ATP8B4: variants seen among roughly 807,000 people sequenced by gnomAD.
The protein encoded by ATP8B4 is probable phospholipid-transporting ATPase IM.
In ATP8B4, 133 loss-of-function variants were observed where a neutral mutation model predicts 145.6. The ratio of observed to expected loss-of-function variants is 0.91; its 90% CI spans 0.79 to 1.05. The LOEUF is 1.05. ATP8B4 is among the 50% of genes least tolerant of loss of function. The pLI, the probability that ATP8B4 is intolerant of heterozygous loss-of-function variation, is 0.00. For missense variants in ATP8B4, 1,458 were observed against 1,425.2 expected (o/e 1.02, Z -0.37); for synonymous variants, 507 against 492.9 (o/e 1.03, Z -0.38).
chr15:50,014,178 T>A (rs1165300683), intron 6 of ATP8B4, among the ~76,000 whole-genome samples: 1 of 152,072 alleles, frequency 6.6e-6, no homozygotes, highest in Non-Finnish European at 1.5e-5. Flanking sequence ...AGTGTTGGGG[T>A]ACTAGAGAGA....
In ATP8B4 at chr15:49,901,169, G is replaced by T; in HGVS notation, c.2212C>A (p.Gln738Lys). 1 of 1,613,508 alleles carries T rather than the reference G, an allele frequency of 6.2e-7. No homozygotes were observed. Among genetic ancestry groups the T allele is most frequent in the Non-Finnish European group, 8.5e-7 (1 of 1,179,580 alleles). Residue 738 changes from glutamine (Q) to lysine (K), a missense_variant, in exon 21 of 28, where the codon CAG (glutamine) becomes AAG (lysine). Gln to Lys is a moderately conservative substitution (Grantham distance 53). Coordinates refer to ENST00000284509, the MANE Select transcript of ATP8B4 (RefSeq NM_024837.4). Reference sequence around the variant, plus strand: ...ACAATAGAATCCAACTCCAGCTGCTGCTTTTTTTCACAAACTACATGGCCA... The same window carrying T: ...ACAATAGAATCCAACTCCAGCTGCTTCTTTTTTTCACAAACTACATGGCCA... ...SNGHVVCEKK[Q>K]QLELDSIVEE...
intron 20 of ATP8B4, among the ~76,000 whole-genome samples, chr15:49,906,657 T>C (rs2038657481): frequency 6.6e-6 from 1 of 152,204 alleles, no homozygotes; most frequent in South Asian, 2.1e-4. Flanking sequence ...AGTCTGAATT[T>C]CAGCAATCTG....
At chr15:49,910,616 C>A (rs1462124503) in intron 20 of ATP8B4, among the ~76,000 whole-genome samples, 1 of 152,044 alleles carries the variant, frequency 6.6e-6, no homozygotes, top group East Asian at 1.9e-4. Context: ...ATCTAGTCAC[C>A]TATAAAGGAG....
In ATP8B4 at chr15:49,869,616, G is replaced by A. The variant is rs16963001; in HGVS notation, c.3028-3132C>T. Among the ~76,000 whole-genome samples the A allele has an allele frequency of 1.6e-3, 250 of 152,196 alleles. 4 individuals are homozygous for A. The highest frequency in any genetic ancestry group is 5.7e-3 in the African/African-American group (237 of 41,516). On this transcript the variant is annotated intron_variant, in intron 25 of 27. Coordinates refer to ENST00000284509, the MANE Select transcript of ATP8B4 (RefSeq NM_024837.4). ...AGGTAAAAATCTCTTTGAAACACAC[G>A]GAAAACTTAATAGGAATCATAATCA...
chr15:50,047,254 AAT>A, intron 4 of ATP8B4, 95 bp downstream of exon 4: 1 of 728,010 alleles, frequency 1.4e-6, no homozygotes, highest in Non-Finnish European at 2.3e-6. Flanking sequence ...GATTGTACCT[AAT>A]CACGAACATT....
chr15:50,169,248 A>T (rs1476122441), intron 1 of ATP8B4, among the ~76,000 whole-genome samples: 1 of 152,132 alleles, frequency 6.6e-6, no homozygotes, highest in Non-Finnish European at 1.5e-5. Context: ...GTACTAAACC[A>T]CCAAAGCTAA....
Position 49,919,031 on chromosome 15 carries a change from C to G in ATP8B4, c.1924-81G>C, listed in dbSNP as rs549488585. ...CATCTATGGATTTCACTCACAGATT[C>G]TGGAGGCCAAAGAATATTAATTGAA... is the stretch of plus-strand genomic sequence containing the variant. On this transcript the variant is annotated intron_variant, in intron 18 of 27. Transcript: ENST00000284509. 8.0e-6 allele frequency: 8 copies of G among 993,916 alleles called. No homozygotes were observed. In the South Asian group the frequency reaches 1.3e-4, roughly 16 times the overall value. 61.6% of individuals were successfully genotyped at this position (993,916 alleles called of 1,614,324 possible).
intron 14 of ATP8B4, among the ~76,000 whole-genome samples, chr15:49,943,033 A>T (rs920343710): frequency 2.6e-5 from 4 of 152,102 alleles, no homozygotes; most frequent in South Asian, 2.1e-4. Flanking sequence ...CTTTAAAAAA[A>T]TTTTTAAAAA....
At chr15:49,887,018 C>T (rs1382845117) in intron 23 of ATP8B4, among the ~76,000 whole-genome samples, 2 of 152,012 alleles carry the variant, frequency 1.3e-5, no homozygotes, top group African/African-American at 4.8e-5. Flanking sequence ...CCACGTTGGC[C>T]AGGCTGGTCT....
At chr15:49,992,493 C>T (rs1234878673) in intron 9 of ATP8B4, among the ~76,000 whole-genome samples, 6 of 152,108 alleles carry the variant, frequency 3.9e-5, no homozygotes, top group African/African-American at 1.4e-4. Context: ...AAGACACTAT[C>T]TTTGAATATA....
rs867534726 is a variant in ATP8B4 at position 49,905,001 on chromosome 15, C to T, written c.2142-3762G>A. ...CAAAATTAAATTCTCAGTCTGTTTT[C>T]CTTTCAGCAGAAGACATATGAATTG... On this transcript the variant is annotated intron_variant, in intron 20 of 27. Transcript: ENST00000284509. Among the ~76,000 whole-genome samples the T allele has an allele frequency of 9.2e-5, 14 of 152,276 alleles. No homozygotes were observed. In the South Asian group the frequency reaches 2.5e-3, roughly 27 times the overall value.
At chr15:50,122,036 T>C (rs2057275399), upstream of ATP8B4, among the ~76,000 whole-genome samples, 1 of 152,206 alleles carries the variant, frequency 6.6e-6, no homozygotes, top group African/African-American at 2.4e-5. Flanking sequence ...CTTAAGAATC[T>C]GAAACCACAC....
intron 1 of ATP8B4, among the ~76,000 whole-genome samples, chr15:50,118,791 CCAAAGGAAGTGACAAAGACCTA>C (rs552393237): frequency 1.2e-3 from 176 of 152,160 alleles, no homozygotes; most frequent in African/African-American, 4.1e-3. Context: ...CCAACTACTA[CCAAAGGAAGTGACAAAGACCTA>C]CAAACCAAGA....
intron 2 of ATP8B4, among the ~76,000 whole-genome samples, chr15:50,092,446 A>T (rs2055670791): frequency 6.6e-6 from 1 of 152,142 alleles, no homozygotes; most frequent in Admixed American, 6.6e-5. Context: ...CAGATATTAG[A>T]ACTATTAGAT....
At chr15:49,876,910 G>C (rs1380902572) in intron 24 of ATP8B4, among the ~76,000 whole-genome samples, 1 of 152,186 alleles carries the variant, frequency 6.6e-6, no homozygotes, top group East Asian at 1.9e-4. Flanking sequence ...ATGGGCCCCA[G>C]AAGTTAATTG....
chr15:49,892,524 G>A (rs2036943253), intron 23 of ATP8B4, among the ~76,000 whole-genome samples: 1 of 152,136 alleles, frequency 6.6e-6, no homozygotes, highest in Non-Finnish European at 1.5e-5. Flanking sequence ...TTATCATTTT[G>A]CTCTTTGTAC....
chr15:49,917,491 GAC>G (rs1318775902), intron 19 of ATP8B4, among the ~76,000 whole-genome samples: 4 of 150,724 alleles, frequency 2.7e-5, no homozygotes, highest in Non-Finnish European at 5.9e-5. Context: ...TCAGTTGAAT[GAC>G]AAAAAAAAAT....
Position 50,180,771 on chromosome 15 carries a change from G to A in ATP8B4, c.-43+1490C>T, listed in dbSNP as rs542273586. Among the ~76,000 whole-genome samples, 3 of 152,258 alleles carry A rather than the reference G, an allele frequency of 2.0e-5. No individual in the cohort carries two copies. In the South Asian group the frequency reaches 6.2e-4, roughly 32 times the overall value. On this transcript the variant is annotated intron_variant, in intron 1 of 3. Transcript: ENST00000558829. ...CCCAGCTCATCCCCAGGGAAATGAT[G>A]CAACCAGGTAGCTGGATCAGAAATG...
intron 6 of ATP8B4, among the ~76,000 whole-genome samples, chr15:50,034,380 C>T (rs1423728975): frequency 5.9e-5 from 9 of 151,944 alleles, no homozygotes; most frequent in Non-Finnish European, 1.2e-4. Flanking sequence ...CCGGTGCCTG[C>T]CACCATGCCC....
Sources: gnomAD v4.1 joint callset for allele counts (sites outside exome capture counted in the v4.1 genomes callset) on GRCh38, gnomAD v4.1.1 for gene constraint, MANE v1.5 for transcripts, NCBI Gene and HGNC (gene_info 2026-07-23, HGNC 2026-07-21) for gene names.